QTMAN: variants seen among roughly 807,000 people sequenced by gnomAD.
QTMAN encodes queuosine-tRNA mannosyltransferase.
At chr2:144,304,705 A>G in the QTMAN span, among the ~76,000 whole-genome samples, 1 of 152,222 alleles carries the variant, frequency 6.6e-6, no homozygotes, top group Non-Finnish European at 1.5e-5. Flanking sequence ...TCAGCCTCCC[A>G]AAGTGCTGGG....
the QTMAN span, among the ~76,000 whole-genome samples, chr2:143,966,606 C>T: frequency 7.2e-5 from 11 of 152,228 alleles, no homozygotes; most frequent in Non-Finnish European, 1.5e-4. Flanking sequence ...TCACCCACTG[C>T]GCCCAGCAGT....
chr2:144,163,229 T>C, the QTMAN span, among the ~76,000 whole-genome samples: 89 of 152,152 alleles, frequency 5.8e-4, no homozygotes, highest in African/African-American at 2.0e-3. Context: ...GATTCTGGGT[T>C]TATGAATTTT....
At chr2:144,167,586 T>C in the QTMAN span, among the ~76,000 whole-genome samples, 1 of 152,070 alleles carries the variant, frequency 6.6e-6, no homozygotes, top group Non-Finnish European at 1.5e-5. Context: ...GGAGATCTGA[T>C]GGTTTTATGA....
At chr2:144,208,196 T>C in the QTMAN span, among the ~76,000 whole-genome samples, 5 of 152,128 alleles carry the variant, frequency 3.3e-5, no homozygotes, top group Admixed American at 2.6e-4. Flanking sequence ...TCACCTCTCA[T>C]TGCACTTGCC....
the QTMAN span, among the ~76,000 whole-genome samples, chr2:144,266,813 T>C: frequency 5.3e-5 from 8 of 152,232 alleles, no homozygotes; most frequent in African/African-American, 1.9e-4. Context: ...CTGACCTTCC[T>C]ACTTCACAAA....
At chr2:144,212,786 A>C in the QTMAN span, among the ~76,000 whole-genome samples, 1 of 152,220 alleles carries the variant, frequency 6.6e-6, no homozygotes, top group Non-Finnish European at 1.5e-5. Flanking sequence ...ATGACACCAG[A>C]TGAATGAAAA....
chr2:144,189,484 C>G, the QTMAN span, among the ~76,000 whole-genome samples: 1 of 152,214 alleles, frequency 6.6e-6, no homozygotes, highest in Non-Finnish European at 1.5e-5. Flanking sequence ...TAAAAGAACA[C>G]TGATTAATAA....
At chr2:144,004,967 A>G in the QTMAN span, among the ~76,000 whole-genome samples, 1 of 152,020 alleles carries the variant, frequency 6.6e-6, no homozygotes, top group African/African-American at 2.4e-5. Context: ...TCTCATCTCC[A>G]GGCTAGCAGT....
chr2:144,252,889 T>C, the QTMAN span, among the ~76,000 whole-genome samples: 2 of 152,224 alleles, frequency 1.3e-5, no homozygotes, highest in Non-Finnish European at 2.9e-5. Flanking sequence ...CTGTGGTATA[T>C]CCATACAATG....
the QTMAN span, chr2:144,007,287 G>C: frequency 6.2e-7 from 1 of 1,613,182 alleles, no homozygotes; most frequent in South Asian, 1.1e-5. Context: ...ACCATGATGA[G>C]AGCTTGAATT....
At chr2:144,142,508 T>A in the QTMAN span, among the ~76,000 whole-genome samples, 2 of 151,882 alleles carry the variant, frequency 1.3e-5, no homozygotes, top group Non-Finnish European at 2.9e-5. Context: ...TCAAGAAGAC[T>A]AATTCAGATA....
chr2:144,165,361 A>G, the QTMAN span, among the ~76,000 whole-genome samples: 1 of 151,742 alleles, frequency 6.6e-6, no homozygotes, highest in Non-Finnish European at 1.5e-5. Flanking sequence ...ACAGAGTGAG[A>G]CTCCGTCTCA....
the QTMAN span, among the ~76,000 whole-genome samples, chr2:144,309,289 C>T: frequency 6.6e-6 from 1 of 152,082 alleles, no homozygotes; most frequent in African/African-American, 2.4e-5. Context: ...AAATTAAAGC[C>T]TATTTCCACA....
At chr2:144,018,801 G>T in the QTMAN span, among the ~76,000 whole-genome samples, 2 of 152,130 alleles carry the variant, frequency 1.3e-5, no homozygotes, top group East Asian at 1.9e-4. Flanking sequence ...CATATAATGT[G>T]GTAGGTGCTT....
chr2:144,205,139 T>C, the QTMAN span, among the ~76,000 whole-genome samples: 2 of 151,904 alleles, frequency 1.3e-5, no homozygotes, highest in Non-Finnish European at 2.9e-5. Context: ...AACTTAAAAG[T>C]ATAATTAAAA....
chr2:144,188,044 A>G, the QTMAN span, among the ~76,000 whole-genome samples: 1 of 151,140 alleles, frequency 6.6e-6, no homozygotes, highest in African/African-American at 2.5e-5. Flanking sequence ...AGAAAGAGGC[A>G]AGGAAGGATT....
chr2:144,133,412 TATATATAATATATATAATATATA>T, the QTMAN span, among the ~76,000 whole-genome samples: 3 of 52,306 alleles, frequency 5.7e-5, no homozygotes, highest in African/African-American at 1.0e-4. Flanking sequence ...TATAATATAT[TATATATAATATATATAATATATA>T]ATATATAATA....
chr2:144,181,890 A>G, the QTMAN span, among the ~76,000 whole-genome samples: 1 of 152,178 alleles, frequency 6.6e-6, no homozygotes, highest in Non-Finnish European at 1.5e-5. Flanking sequence ...GCAACATTCT[A>G]ATAGCATTAG....
the QTMAN span, among the ~76,000 whole-genome samples, chr2:144,311,241 A>G: frequency 1.3e-5 from 2 of 152,250 alleles, no homozygotes; most frequent in South Asian, 2.1e-4. Flanking sequence ...TTAAAAAACA[A>G]TCACTTGTTA....
Sources: gnomAD v4.1 joint callset for allele counts (sites outside exome capture counted in the v4.1 genomes callset) on GRCh38, gnomAD v4.1.1 for gene constraint, MANE v1.5 for transcripts, NCBI Gene and HGNC (gene_info 2026-07-23, HGNC 2026-07-21) for gene names.